The following ZNF157 variants were observed in gnomAD, a reference collection of about 807,000 sequenced individuals.
The protein encoded by ZNF157 is zinc finger protein 22.
ZNF157 carries 8 observed loss-of-function variants against 9.4 expected under a neutral mutation model. The observed-to-expected ratio is 0.85, with a 90% CI of 0.50 to 1.53. The LOEUF is 1.53. Among genes scored for constraint, ZNF157 ranks in the 40% most tolerant of loss-of-function variants. The pLI is 0.00. For missense variants in ZNF157, 316 were observed against 385.2 expected, an observed-to-expected ratio of 0.82 and a Z score of 1.50; for synonymous variants, 120 against 130.8, an observed-to-expected ratio of 0.92 and a Z score of 0.56.
At chrX:47,411,082 G>A (rs2055963404) in intron 3 of ZNF157, among the ~76,000 whole-genome samples, 2 of 107,568 alleles carry the variant, frequency 1.9e-5, no homozygotes, top group Admixed American at 2.0e-4. Context: ...TCCACCTCCC[G>A]GGCTCAAGCG....
At position 47,410,860 on chromosome X, in the gene ZNF157, C is replaced by T; in HGVS notation, c.295+85C>T. 5 of 768,881 alleles carry T rather than the reference C, an allele frequency of 6.5e-6. No individual in the cohort carries two copies. The Middle Eastern group carries it at 9.0e-4, about 138-fold the overall frequency. The allele number at this position is 768,881 out of a possible 1,213,427, so 63.4% of individuals were successfully genotyped here. A position where few individuals can be genotyped will look rare whatever the true frequency, so the allele number is the denominator to read the frequency against. On this transcript the variant is annotated intron_variant, in intron 3 of 3. Coordinates refer to ENST00000377073, the MANE Select transcript of ZNF157 (RefSeq NM_003446.4). ...CAGGTCAAAGGGTATGCTTGTGCAACACTTTCTAGGAATCTCTTTTTAGAG... is the reference window on the plus strand; with the variant it reads ...CAGGTCAAAGGGTATGCTTGTGCAATACTTTCTAGGAATCTCTTTTTAGAG...
At chrX:47,399,091 C>T (rs1054730135) in intron 1 of ZNF157, among the ~76,000 whole-genome samples, 8 of 112,236 alleles carry the variant, frequency 7.1e-5, no homozygotes, top group Non-Finnish European at 1.5e-4. Flanking sequence ...TGTGAGCCAC[C>T]GTGTCCAGCC....
At position 47,410,889 on chromosome X, in the gene ZNF157, C is replaced by T; in HGVS notation, c.295+114C>T. The T allele has an allele frequency of 6.7e-6, 4 of 595,360 alleles. No homozygotes were observed. The South Asian group carries it at 1.5e-4, about 22-fold the overall frequency. The allele number at this position is 595,360 out of a possible 1,213,427, so 49.1% of individuals were successfully genotyped here. On this transcript the variant is annotated intron_variant, in intron 3 of 3. Coordinates refer to ENST00000377073, the MANE Select transcript of ZNF157 (RefSeq NM_003446.4). Reference sequence around the variant, plus strand: ...TTCTAGGAATCTCTTTTTAGAGTTCCTAGCTCTTTGAAAATAAGGACGGAA... The same window carrying T: ...TTCTAGGAATCTCTTTTTAGAGTTCTTAGCTCTTTGAAAATAAGGACGGAA...
At chrX:47,392,618 A>G (rs2055900686) in intron 1 of ZNF157, among the ~76,000 whole-genome samples, 1 of 111,844 alleles carries the variant, frequency 8.9e-6, no homozygotes, top group Non-Finnish European at 1.9e-5. Flanking sequence ...TCCCACATGC[A>G]AAATACATTC....
chrX:47,401,982 C>T (rs961198906), intron 1 of ZNF157, among the ~76,000 whole-genome samples: 1 of 111,277 alleles, frequency 9.0e-6, no homozygotes, highest in African/African-American at 3.3e-5. Context: ...AGCAGTCCTC[C>T]CGCTTCGGCC....
intron 1 of ZNF157, among the ~76,000 whole-genome samples, chrX:47,396,544 A>T (rs946102736): frequency 9.0e-6 from 1 of 111,084 alleles, no homozygotes; most frequent in African/African-American, 3.3e-5. Context: ...CGTCTCAAAA[A>T]AAAAAAGTTA....
At chrX:47,393,948 C>A (rs984145143) in intron 1 of ZNF157, among the ~76,000 whole-genome samples, 5 of 107,396 alleles carry the variant, frequency 4.7e-5, no homozygotes, top group African/African-American at 1.7e-4. Context: ...CACTTTGTTG[C>A]CCAGGCTGGT....
At chrX:47,400,155 C>T (rs1176141974) in intron 1 of ZNF157, among the ~76,000 whole-genome samples, 1 of 109,910 alleles carries the variant, frequency 9.1e-6, no homozygotes, top group Non-Finnish European at 1.9e-5. Flanking sequence ...CACCACCACA[C>T]CCAGCTAATT....
At chrX:47,412,206 G>A (rs1229650723) in intron 3 of ZNF157, among the ~76,000 whole-genome samples, 163 bp from the exon 4 acceptor site, 3 of 112,288 alleles carry the variant, frequency 2.7e-5, no homozygotes, top group African/African-American at 9.7e-5. Context: ...TGATCCGCCT[G>A]CCTTGGCCTC....
At chrX:47,372,756 A>T in intron 1 of ZNF157, among the ~76,000 whole-genome samples, 1 of 109,798 alleles carries the variant, frequency 9.1e-6, no homozygotes, top group East Asian at 2.9e-4. Flanking sequence ...GGCCTCCAAA[A>T]GTGCTGGGAT....
At chrX:47,392,056 A>AT (rs1332117021) in intron 1 of ZNF157, among the ~76,000 whole-genome samples, 1 of 107,975 alleles carries the variant, frequency 9.3e-6, no homozygotes, top group Non-Finnish European at 1.9e-5. Context: ...TGCCCGGCTA[A>AT]TTTTTTGTAT....
chrX:47,381,858 T>C (rs1222588524), intron 1 of ZNF157, among the ~76,000 whole-genome samples: 1 of 111,958 alleles, frequency 8.9e-6, no homozygotes, highest in Non-Finnish European at 1.9e-5. Context: ...TCAAAGCCAC[T>C]GTAAAGTGTG....
At chrX:47,370,990 C>T (rs766817737) in intron 1 of ZNF157, among the ~76,000 whole-genome samples, 20 of 110,191 alleles carry the variant, frequency 1.8e-4, no homozygotes, top group Middle Eastern at 9.2e-3. Context: ...CCCTCTTAAC[C>T]CTGGGGCACC....
intron 1 of ZNF157, among the ~76,000 whole-genome samples, chrX:47,409,648 C>CT (rs1299438856): frequency 0.018 from 1,754 of 98,178 alleles, 48 homozygotes; most frequent in African/African-American, 0.059. Flanking sequence ...CAGCCAGCTT[C>CT]TTTTTTTTTT....
At chrX:47,411,152 C>CTAATTTTTG (rs1308923619) in intron 3 of ZNF157, among the ~76,000 whole-genome samples, 1 of 110,063 alleles carries the variant, frequency 9.1e-6, no homozygotes, top group African/African-American at 3.3e-5. Flanking sequence ...CCACGCCTGG[C>CTAATTTTTG]TAATTTTTGT....
intron 1 of ZNF157, among the ~76,000 whole-genome samples, chrX:47,383,047 C>A (rs2055868492): frequency 9.1e-6 from 1 of 110,035 alleles, no homozygotes; most frequent in South Asian, 3.8e-4. Flanking sequence ...TCAAGTCTAC[C>A]AGCAAAGTGG....
chrX:47,384,046 G>C lies in ZNF157; in HGVS notation c.72+13306G>C, dbSNP rs754155872. ...CCACTTTGGGAGGCCGAGGCGGGTG[G>C]ATCACTTGAGGTCAGGAGTTTGAGA... On this transcript the variant is annotated intron_variant, in intron 1 of 3. Coordinates refer to ENST00000377073, the MANE Select transcript of ZNF157 (RefSeq NM_003446.4). 3.7e-5 allele frequency among the ~76,000 whole-genome samples: 4 copies of C among 109,179 alleles called. 1 individual carries two copies. The South Asian group carries it at 1.6e-3, about 43-fold the overall frequency. 94.8% of individuals were successfully genotyped at this position (109,179 alleles called of 115,157 possible).
intron 1 of ZNF157, among the ~76,000 whole-genome samples, chrX:47,388,467 A>G (rs2055886831): frequency 9.2e-6 from 1 of 108,287 alleles, no homozygotes; most frequent in Non-Finnish European, 1.9e-5. Flanking sequence ...GCACACCAAC[A>G]TGCCTGGCTA....
intron 1 of ZNF157, among the ~76,000 whole-genome samples, chrX:47,372,708 G>A (rs1365248898): frequency 1.8e-5 from 2 of 108,666 alleles, no homozygotes; most frequent in Admixed American, 2.0e-4. Context: ...TGGTCAGGCT[G>A]GTCTCAAACT....
Sources: gnomAD v4.1 joint callset for allele counts (sites outside exome capture counted in the v4.1 genomes callset) on GRCh38, gnomAD v4.1.1 for gene constraint, MANE v1.5 for transcripts, NCBI Gene and HGNC (gene_info 2026-07-23, HGNC 2026-07-21) for gene names.